Variants in ANK3 observed in about 807,000 individuals in gnomAD.
ANK3 encodes ankyrin 3, also known as ankyrin-3.
In ANK3, 57 loss-of-function variants were observed where a neutral mutation model predicts 370.9. The ratio of observed to expected loss-of-function variants is 0.15; its 90% confidence interval spans 0.12 to 0.19. The LOEUF (loss-of-function observed/expected upper bound fraction) is 0.19. Among genes scored for constraint, ANK3 ranks in the 10% least tolerant of loss-of-function variants. ANK3 has a pLI of 1.00. For missense variants in ANK3, 4,439 were observed against 5,302.1 expected, an observed-to-expected ratio of 0.84 and a Z score of 5.06; for synonymous variants, 1,929 against 1,946.3, an observed-to-expected ratio of 0.99 and a Z score of 0.23.
intron 2 of ANK3, among the ~76,000 whole-genome samples, chr10:60,596,366 T>C (rs933134856): frequency 6.6e-6 from 1 of 152,160 alleles, no homozygotes; most frequent in Admixed American, 6.6e-5. Context: ...ATAAATCCAC[T>C]GCTATGAACA....
Position 60,186,769 on chromosome 10 carries a change from C to T in ANK3, c.2031G>A (p.Val677=), listed in dbSNP as rs1565544003. The T allele has an allele frequency of 1.2e-6, 2 of 1,614,138 alleles. No homozygotes were observed. The highest frequency in any genetic ancestry group is 1.7e-6 in the Non-Finnish European group (2 of 1,180,020). Residue 677 remains valine, a synonymous_variant, in exon 17 of 44, where the codon GTG becomes GTA. Transcript: ENST00000280772. The part of the protein sequence containing the change: ...SVHLAAQEGH[V]DMVSLLLGRN... ...TACCGAGGAGCAGCGACACCATGTCCACGTGCCCTTCCTGAGCTGCGAGAT... is the reference window on the plus strand; with the variant it reads ...TACCGAGGAGCAGCGACACCATGTCTACGTGCCCTTCCTGAGCTGCGAGAT...
intron 42 of ANK3, among the ~76,000 whole-genome samples, chr10:60,048,149 G>A (rs1297219719): frequency 6.6e-6 from 1 of 152,178 alleles, no homozygotes; most frequent in Non-Finnish European, 1.5e-5. Context: ...CTTCCTCTGG[G>A]AGATACTTCC....
At chr10:60,732,936 G>A (rs1238587399) in intron 1 of ANK3, among the ~76,000 whole-genome samples, 4 of 151,722 alleles carry the variant, frequency 2.6e-5, no homozygotes, top group African/African-American at 9.7e-5. Flanking sequence ...TGAGCCCGGG[G>A]CCCGCTTTTC....
intron 21 of ANK3, among the ~76,000 whole-genome samples, chr10:60,167,292 T>C (rs960460267): frequency 6.6e-6 from 1 of 152,352 alleles, no homozygotes; most frequent in East Asian, 1.9e-4. Flanking sequence ...AATATGTCTC[T>C]ATTACTTGTG....
chr10:60,472,431 G>A (rs77386462), intron 2 of ANK3, among the ~76,000 whole-genome samples: 1 of 152,286 alleles, frequency 6.6e-6, no homozygotes, highest in African/African-American at 2.4e-5. Context: ...TATTCATTAG[G>A]AGAATTCAGG....
At chr10:60,178,083 T>C (rs2096031270) in intron 18 of ANK3, among the ~76,000 whole-genome samples, 1 of 152,184 alleles carries the variant, frequency 6.6e-6, no homozygotes, top group African/African-American at 2.4e-5. Context: ...CACGTTTGTG[T>C]TTAAAACCTT....
At chr10:60,518,214 G>A (rs2076267876) in intron 2 of ANK3, among the ~76,000 whole-genome samples, 2 of 152,094 alleles carry the variant, frequency 1.3e-5, no homozygotes, top group African/African-American at 2.4e-5. Context: ...CATAATTTAT[G>A]TAAAATGCAC....
intron 25 of ANK3, among the ~76,000 whole-genome samples, chr10:60,114,734 C>A (rs541601416): frequency 6.6e-6 from 1 of 152,094 alleles, no homozygotes; most frequent in South Asian, 2.1e-4. Context: ...CCAAGTGGGG[C>A]GGAGTAGCTA....
At chr10:60,259,950 C>T (rs1041771965) in intron 7 of ANK3, among the ~76,000 whole-genome samples, 20 of 152,288 alleles carry the variant, frequency 1.3e-4, no homozygotes, top group Admixed American at 1.3e-3. Context: ...TCTGCCACAT[C>T]AAGGATGTAG....
intron 16 of ANK3, among the ~76,000 whole-genome samples, chr10:60,187,312 T>C (rs987491051): frequency 7.2e-5 from 11 of 151,738 alleles, no homozygotes; most frequent in African/African-American, 2.2e-4. Flanking sequence ...CCTGCCACCA[T>C]GCCCGGCTAA....
At chr10:60,134,117 C>T (rs2094223507) in intron 25 of ANK3, among the ~76,000 whole-genome samples, 154 bp downstream of exon 25, 1 of 113,778 alleles carries the variant, frequency 8.8e-6, no homozygotes, top group Non-Finnish European at 1.9e-5. Context: ...GCTTATAGTA[C>T]AACTTATTTT....
chr10:60,358,088 A>T (rs2058041884), intron 1 of ANK3, among the ~76,000 whole-genome samples: 1 of 143,888 alleles, frequency 6.9e-6, no homozygotes, highest in African/African-American at 2.7e-5. Context: ...TACTTAAAAC[A>T]TGCATATGTA....
chr10:60,062,419 G>C (rs2080754143), intron 40 of ANK3: 3 of 152,122 alleles, frequency 2.0e-5, no homozygotes, highest in Admixed American at 2.0e-4. Flanking sequence ...AAAATGACAA[G>C]ATCATTATAT....
chr10:60,251,325 C>A (rs190545893), intron 7 of ANK3, among the ~76,000 whole-genome samples: 72 of 152,224 alleles, frequency 4.7e-4, no homozygotes, highest in African/African-American at 1.7e-3. Context: ...CATCTCAGAC[C>A]AACCATGGAT....
At chr10:60,328,030 C>A (rs1393572411) in intron 1 of ANK3, among the ~76,000 whole-genome samples, 2 of 151,760 alleles carry the variant, frequency 1.3e-5, no homozygotes, top group East Asian at 3.9e-4. Flanking sequence ...TGAACATATT[C>A]TTAAAAAAAA....
At chr10:60,335,388 T>G (rs1234380240) in intron 1 of ANK3, among the ~76,000 whole-genome samples, 1 of 152,080 alleles carries the variant, frequency 6.6e-6, no homozygotes, top group Non-Finnish European at 1.5e-5. Flanking sequence ...TAGAGGGAAT[T>G]TTTTTCTGGT....
intron 2 of ANK3, among the ~76,000 whole-genome samples, chr10:60,569,015 A>C (rs145270283): frequency 0.013 from 1,895 of 151,492 alleles, 32 homozygotes; most frequent in Middle Eastern, 0.065. Context: ...ACTGTGAGAA[A>C]ATAAATTTGT....
intron 2 of ANK3, among the ~76,000 whole-genome samples, chr10:60,498,908 C>A (rs1318482010): frequency 6.6e-6 from 1 of 152,188 alleles, no homozygotes; most frequent in Admixed American, 6.5e-5. Context: ...AAGTCCTTCA[C>A]ACTAATTCAA....
chr10:60,325,508 G>A (rs941105293), intron 1 of ANK3, among the ~76,000 whole-genome samples: 2 of 152,128 alleles, frequency 1.3e-5, no homozygotes, highest in African/African-American at 4.8e-5. Flanking sequence ...AAGATGGTTT[G>A]GATCAAACTA....
Sources: allele counts gnomAD v4.1 joint callset (sites outside exome capture counted in the v4.1 genomes callset), GRCh38; gene constraint gnomAD v4.1.1; transcripts MANE v1.5; gene names NCBI Gene and HGNC (gene_info 2026-07-23, HGNC 2026-07-21).